The following NTM variants were observed in gnomAD, a reference collection of about 807,000 sequenced individuals.
The protein encoded by NTM is neurotrimin, also known as IgLON family member 2.
A neutral mutation model predicts 42.1 loss-of-function variants in NTM; 13 were observed. The observed-to-expected ratio is 0.31, with a 90% CI of 0.20 to 0.49. The LOEUF (loss-of-function observed/expected upper bound fraction) is 0.49, where lower values mean the gene tolerates loss of function less well. Among genes scored for constraint, NTM ranks in the 20% least tolerant of loss-of-function variants. The pLI, the probability that NTM is intolerant of heterozygous loss-of-function variation, is 0.99. For synonymous variants in NTM, 187 were observed against 179.2 expected (o/e 1.04, Z -0.35); for missense variants, 373 against 452.8 (o/e 0.82, Z 1.60).
At chr11:132,186,956 G>C (rs1418587478) in intron 3 of NTM, among the ~76,000 whole-genome samples, 1 of 152,194 alleles carries the variant, frequency 6.6e-6, no homozygotes, top group Non-Finnish European at 1.5e-5. Flanking sequence ...GTTTGTGGCA[G>C]CCATAGCTCT....
At chr11:132,258,430 T>C (rs1773134159) in intron 4 of NTM, among the ~76,000 whole-genome samples, 1 of 152,196 alleles carries the variant, frequency 6.6e-6, no homozygotes, top group Admixed American at 6.5e-5. Flanking sequence ...GCCAAATACT[T>C]GGGCAGTTCT....
intron 1 of NTM, among the ~76,000 whole-genome samples, chr11:131,464,140 A>C (rs1951667762): frequency 6.6e-6 from 1 of 152,036 alleles, no homozygotes; most frequent in Non-Finnish European, 1.5e-5. Flanking sequence ...CAGCAGGAAG[A>C]GCGGTGGACG....
intron 4 of NTM, among the ~76,000 whole-genome samples, chr11:132,273,447 T>G (rs751796793): frequency 5.9e-5 from 9 of 151,848 alleles, no homozygotes; most frequent in Non-Finnish European, 5.9e-5. Flanking sequence ...TACAATGGGT[T>G]GAGACGTATC....
intron 3 of NTM, among the ~76,000 whole-genome samples, chr11:132,188,261 T>C (rs922809978): frequency 3.9e-5 from 6 of 152,080 alleles, no homozygotes; most frequent in African/African-American, 7.2e-5. Context: ...AGTGCTGAGG[T>C]TGAGGAACCC....
At chr11:132,200,857 G>A (rs557564052) in intron 3 of NTM, among the ~76,000 whole-genome samples, 68 of 152,298 alleles carry the variant, frequency 4.5e-4, no homozygotes, top group African/African-American at 1.6e-3. Flanking sequence ...AACATTAGCA[G>A]AATCATGGCT....
intron 4 of NTM, among the ~76,000 whole-genome samples, chr11:132,257,668 G>A (rs182410495): frequency 4.5e-4 from 69 of 152,308 alleles, no homozygotes; most frequent in African/African-American, 1.5e-3. Context: ...TCAATCCCCA[G>A]ATTCTCATGA....
chr11:132,141,853 G>T (rs1047454622), intron 2 of NTM, among the ~76,000 whole-genome samples: 2 of 152,148 alleles, frequency 1.3e-5, no homozygotes, highest in Non-Finnish European at 2.9e-5. Flanking sequence ...GGCTGTCCAC[G>T]GGGGCCACAC....
At chr11:131,722,569 G>A (rs2078496206) in intron 1 of NTM, among the ~76,000 whole-genome samples, 1 of 152,258 alleles carries the variant, frequency 6.6e-6, no homozygotes, top group Non-Finnish European at 1.5e-5. Flanking sequence ...ACTGATGAGA[G>A]TAAGTACGCT....
At chr11:131,476,525 G>T (rs1447547772) in intron 1 of NTM, among the ~76,000 whole-genome samples, 1 of 152,172 alleles carries the variant, frequency 6.6e-6, no homozygotes, top group Non-Finnish European at 1.5e-5. Context: ...TTCCTAATCA[G>T]TCTATTATTT....
At chr11:132,070,066 C>A (rs573663588) in intron 2 of NTM, among the ~76,000 whole-genome samples, 6 of 140,408 alleles carry the variant, frequency 4.3e-5, no homozygotes, top group Admixed American at 2.2e-4. Flanking sequence ...CGTCACACAG[C>A]CAAGTTAACA....
At chr11:131,514,751 A>G (rs2048683345) in intron 1 of NTM, among the ~76,000 whole-genome samples, 1 of 151,786 alleles carries the variant, frequency 6.6e-6, no homozygotes, top group Admixed American at 6.6e-5. Context: ...ACCACGCCTG[A>G]CTAAGTTTTG....
chr11:131,787,376 A>ATTG (rs1555125938), intron 1 of NTM, among the ~76,000 whole-genome samples: 1 of 148,034 alleles, frequency 6.8e-6, no homozygotes, highest in Non-Finnish European at 1.5e-5. Context: ...TATTATTATT[A>ATTG]TTATTTTATT....
intron 3 of NTM, among the ~76,000 whole-genome samples, chr11:132,155,461 T>G (rs2072961785): frequency 6.6e-6 from 1 of 152,188 alleles, no homozygotes; most frequent in Admixed American, 6.5e-5. Flanking sequence ...ACACATGTCC[T>G]GCCGCTGATG....
intron 2 of NTM, among the ~76,000 whole-genome samples, chr11:132,129,530 A>G: frequency 6.6e-6 from 1 of 152,196 alleles, no homozygotes; most frequent in Non-Finnish European, 1.5e-5. Context: ...ATGTATTTTA[A>G]GACAGAATTC....
intron 1 of NTM, among the ~76,000 whole-genome samples, chr11:131,423,331 A>AT (rs1947726903): frequency 6.6e-6 from 1 of 152,128 alleles, no homozygotes; most frequent in African/African-American, 2.4e-5. Flanking sequence ...TTTAAATTCA[A>AT]TTTTCTGTTT....
intron 2 of NTM, among the ~76,000 whole-genome samples, chr11:131,933,432 C>T (rs556030853): frequency 2.4e-4 from 37 of 152,262 alleles, no homozygotes; most frequent in East Asian, 1.2e-3. Context: ...CTAGTTTCCC[C>T]GCCAAGGATT....
chr11:131,940,515 T>G (rs2059682715), intron 2 of NTM, among the ~76,000 whole-genome samples: 1 of 152,254 alleles, frequency 6.6e-6, no homozygotes, highest in Non-Finnish European at 1.5e-5. Context: ...ACAATGTACA[T>G]ATGACTGCCT....
intron 1 of NTM, among the ~76,000 whole-genome samples, chr11:131,598,709 TTC>T (rs1395673297): frequency 1.2e-5 from 1 of 81,842 alleles, no homozygotes; most frequent in African/African-American, 4.2e-5. Context: ...CTTTCTTTCT[TTC>T]TTTCTTTCTT....
chr11:131,771,269 A>G (rs1291590347), intron 1 of NTM: 1 of 152,156 alleles, frequency 6.6e-6, no homozygotes, highest in Non-Finnish European at 1.5e-5. Context: ...TTTTTATGCA[A>G]TTCTGTAAGT....
Sources: allele counts gnomAD v4.1 joint callset (sites outside exome capture counted in the v4.1 genomes callset), GRCh38; gene constraint gnomAD v4.1.1; transcripts MANE v1.5; gene names NCBI Gene and HGNC (gene_info 2026-07-23, HGNC 2026-07-21).